TMEM132C: variants seen among roughly 807,000 people sequenced by gnomAD.
TMEM132C encodes protein phosphatase 1, regulatory subunit 152.
A neutral mutation model predicts 61.4 loss-of-function variants in TMEM132C; 29 were observed. The observed-to-expected ratio is 0.47, with a 90% CI of 0.35 to 0.64. The LOEUF is 0.64. Among genes scored for constraint, TMEM132C ranks in the 30% least tolerant of loss-of-function variants. The pLI, the probability that TMEM132C is intolerant of heterozygous loss-of-function variation, is 0.00. For missense variants in TMEM132C, 1,408 were observed against 1,476.9 expected (o/e 0.95, Z 0.76); for synonymous variants, 656 against 633.1 (o/e 1.04, Z -0.54).
intron 1 of TMEM132C, among the ~76,000 whole-genome samples, chr12:128,284,825 C>G (rs1871007690): frequency 6.6e-6 from 1 of 152,074 alleles, no homozygotes; most frequent in African/African-American, 2.4e-5. Flanking sequence ...GCTATGGTAT[C>G]TCATAGAATA....
intron 2 of TMEM132C, among the ~76,000 whole-genome samples, chr12:128,436,536 C>T (rs1869597313): frequency 6.6e-6 from 1 of 152,160 alleles, no homozygotes; most frequent in Non-Finnish European, 1.5e-5. Flanking sequence ...CCAACAGACA[C>T]ATGAAAAAAT....
intron 1 of TMEM132C, among the ~76,000 whole-genome samples, chr12:128,296,555 C>T (rs1871422108): frequency 6.6e-6 from 1 of 152,182 alleles, no homozygotes; most frequent in African/African-American, 2.4e-5. Flanking sequence ...CATTAATTTC[C>T]TCTCTGTCTT....
chr12:128,621,111 C>T (rs964498490), intron 4 of TMEM132C, among the ~76,000 whole-genome samples: 1 of 152,006 alleles, frequency 6.6e-6, no homozygotes, highest in Non-Finnish European at 1.5e-5. Flanking sequence ...CTGCTCTGGG[C>T]CCTGGGGGCT....
At chr12:128,408,951 C>A (rs905976215) in intron 1 of TMEM132C, among the ~76,000 whole-genome samples, 4 of 152,138 alleles carry the variant, frequency 2.6e-5, no homozygotes, top group African/African-American at 9.7e-5. Context: ...GCGGGTTGCA[C>A]AGGCTGCACT....
At chr12:128,509,112 G>T (rs1036981966) in intron 2 of TMEM132C, among the ~76,000 whole-genome samples, 1 of 152,178 alleles carries the variant, frequency 6.6e-6, no homozygotes, top group Non-Finnish European at 1.5e-5. Flanking sequence ...TAGGCTGTGT[G>T]CAAGTCCTCG....
At chr12:128,667,027 G>A (rs544606107) in intron 4 of TMEM132C, among the ~76,000 whole-genome samples, 50 of 152,280 alleles carry the variant, frequency 3.3e-4, no homozygotes, top group Non-Finnish European at 5.6e-4. Context: ...CCGAGGTCGC[G>A]CCACTGCACT....
At chr12:128,425,885 T>C (rs779233603) in intron 2 of TMEM132C, among the ~76,000 whole-genome samples, 7 of 152,166 alleles carry the variant, frequency 4.6e-5, no homozygotes, top group African/African-American at 7.2e-5. Context: ...AGGCTCTCAT[T>C]TGGAGATCCT....
intron 2 of TMEM132C, among the ~76,000 whole-genome samples, chr12:128,492,055 G>A (rs528783577): frequency 2.0e-4 from 30 of 152,176 alleles, no homozygotes; most frequent in African/African-American, 7.0e-4. Context: ...CTGTGTCCAA[G>A]CATTCTCATG....
intron 2 of TMEM132C, among the ~76,000 whole-genome samples, chr12:128,502,447 A>G (rs1293787587): frequency 6.6e-6 from 1 of 152,204 alleles, no homozygotes; most frequent in African/African-American, 2.4e-5. Flanking sequence ...TTATAGCTCT[A>G]ATTTCTTTAA....
At chr12:128,597,940 A>G (rs547913151) in intron 3 of TMEM132C, among the ~76,000 whole-genome samples, 36 of 152,294 alleles carry the variant, frequency 2.4e-4, no homozygotes, top group African/African-American at 8.4e-4. Context: ...GTCCCAGGGT[A>G]GCTGGAGCGT....
At chr12:128,699,902 T>A (rs541633580) in intron 8 of TMEM132C, among the ~76,000 whole-genome samples, 11 of 152,322 alleles carry the variant, frequency 7.2e-5, no homozygotes, top group Non-Finnish European at 1.3e-4. Context: ...CAGCACTGGC[T>A]TCTTCAAGTC....
intron 4 of TMEM132C, among the ~76,000 whole-genome samples, chr12:128,665,614 A>AGGCAC (rs1566008334): frequency 1.8e-3 from 137 of 74,858 alleles, no homozygotes; most frequent in African/African-American, 9.8e-3. Flanking sequence ...CACATACCCA[A>AGGCAC]ACACAGGCAC....
At chr12:128,435,450 A>G (rs774520749) in intron 2 of TMEM132C, among the ~76,000 whole-genome samples, 3 of 152,236 alleles carry the variant, frequency 2.0e-5, no homozygotes, top group Admixed American at 6.5e-5. Flanking sequence ...ACTTTGGCAA[A>G]GTCTCAGGAT....
chr12:128,370,256 T>C (rs2135980686), intron 1 of TMEM132C, among the ~76,000 whole-genome samples: 1 of 152,288 alleles, frequency 6.6e-6, no homozygotes, highest in East Asian at 1.9e-4. Context: ...CGGGGCTGCC[T>C]GGTTTCCTCT....
intron 1 of TMEM132C, among the ~76,000 whole-genome samples, chr12:128,280,869 A>G (rs1364535173): frequency 6.6e-6 from 1 of 152,200 alleles, no homozygotes; most frequent in African/African-American, 2.4e-5. Flanking sequence ...CAGTCAATAG[A>G]AAACAATGTG....
rs775344947 is a variant in TMEM132C at position 128,693,953 on chromosome 12, G to A, written c.1574G>A (p.Arg525Gln). The A allele has an allele frequency of 1.0e-5, 16 of 1,551,620 alleles. No homozygotes were observed. The East Asian group carries it at 1.5e-4, about 14-fold the overall frequency. ...APLCVTVWVPRLPLQIEVSDT... is the reference protein window; with the variant it reads ...APLCVTVWVPQLPLQIEVSDT... The stretch of plus-strand genomic sequence containing the variant: ...CTGTGTGTCACCGTGTGGGTGCCCC[G>A]GCTGCCCCTGCAGATCGAGGTCTCT... Residue 525 changes from arginine to glutamine, a missense_variant, in exon 6 of 9, where the codon CGG becomes CAG. Arg to Gln is a conservative substitution (Grantham distance 43). Coordinates refer to ENST00000435159, the MANE Select transcript of TMEM132C (RefSeq NM_001136103.3).
intron 3 of TMEM132C, among the ~76,000 whole-genome samples, chr12:128,558,305 A>G (rs140504167): frequency 1.3e-3 from 202 of 152,270 alleles, no homozygotes; most frequent in African/African-American, 4.8e-3. Context: ...TAGCTCCCAT[A>G]ATCCCCACAT....
rs199651744 is a variant in TMEM132C at position 128,593,269 on chromosome 12, CTCTT to C, written c.1122-22878_1122-22875del. 1.0e-3 allele frequency among the ~76,000 whole-genome samples: 156 copies of C among 151,698 alleles called. 3 individuals are homozygous for C. The East Asian group carries it at 0.028, about 27-fold the overall frequency. ...TTCTTATCTTCTCTCTTACCTCTCT[CTCTT>C]TCTTCTGTCTCCATTTTCCTTTTCC... On this transcript the variant is annotated intron_variant, in intron 3 of 8. Coordinates refer to ENST00000435159, the MANE Select transcript of TMEM132C (RefSeq NM_001136103.3).
intron 3 of TMEM132C, among the ~76,000 whole-genome samples, chr12:128,559,301 C>G (rs1874436388): frequency 6.6e-6 from 1 of 152,008 alleles, no homozygotes; most frequent in African/African-American, 2.4e-5. Flanking sequence ...TTCCAAACAT[C>G]TGTATATTAT....
Sources: allele counts gnomAD v4.1 joint callset (sites outside exome capture counted in the v4.1 genomes callset), GRCh38; gene constraint gnomAD v4.1.1; transcripts MANE v1.5; gene names NCBI Gene and HGNC (gene_info 2026-07-23, HGNC 2026-07-21).